CACNA2D3: variants seen among roughly 807,000 people sequenced by gnomAD.
CACNA2D3 encodes calcium voltage-gated channel auxiliary subunit alpha2delta 3.
Under a neutral mutation model 160.6 loss-of-function variants are expected in CACNA2D3, and 60 were observed. The ratio of observed to expected loss-of-function variants is 0.37; its 90% CI spans 0.30 to 0.46. CACNA2D3 has a LOEUF of 0.46. Ranked by LOEUF, CACNA2D3 falls within the 20% of genes least tolerant of loss-of-function variation. CACNA2D3 has a pLI of 1.00. For synonymous variants in CACNA2D3, 558 were observed against 492.9 expected (o/e 1.13, Z -1.75); for missense variants, 1,205 against 1,365.0 (o/e 0.88, Z 1.85).
intron 17 of CACNA2D3, among the ~76,000 whole-genome samples, chr3:54,853,089 G>C (rs970088168): frequency 1.3e-5 from 2 of 151,776 alleles, no homozygotes; most frequent in African/African-American, 4.8e-5. Context: ...CTTGTCCCAG[G>C]TACACCTTTT....
chr3:54,230,702 C>T (rs750858408), intron 2 of CACNA2D3, among the ~76,000 whole-genome samples: 2 of 152,182 alleles, frequency 1.3e-5, no homozygotes, highest in African/African-American at 2.4e-5. Flanking sequence ...GTTACCTCCA[C>T]AGTCTTATAA....
chr3:54,614,070 C>T (rs1698798844), intron 9 of CACNA2D3, among the ~76,000 whole-genome samples: 1 of 152,182 alleles, frequency 6.6e-6, no homozygotes, highest in Non-Finnish European at 1.5e-5. Flanking sequence ...TGATCAAGCA[C>T]AGCATGTTGT....
At chr3:54,604,486 A>G (rs1286771482) in intron 9 of CACNA2D3, among the ~76,000 whole-genome samples, 1 of 152,118 alleles carries the variant, frequency 6.6e-6, no homozygotes, top group Non-Finnish European at 1.5e-5. Context: ...TCCCCAAATC[A>G]CACCTTCTCC....
intron 14 of CACNA2D3, among the ~76,000 whole-genome samples, chr3:54,821,705 C>T (rs201520099): frequency 8.8e-4 from 90 of 102,046 alleles, no homozygotes; most frequent in South Asian, 2.2e-3. Flanking sequence ...TCTTTCCTTC[C>T]TTCCTTCTTT....
In CACNA2D3 at chr3:54,887,975, C is replaced by G. The variant is rs1461861449; in HGVS notation, c.2073C>G (p.Ile691Met). 3 of 1,613,864 alleles carry G rather than the reference C, an allele frequency of 1.9e-6. No homozygotes were observed. Among genetic ancestry groups the G allele is most frequent in the Admixed American group, 3.3e-5 (2 of 60,018 alleles). ...TCCCAACAGGTGATAAAGAATTGAT[C>G]CAAGAAGTCCTTTTTGACGCGGTGG... ...EPLLQCDKEL[I>M]QEVLFDAVVS... is the part of the protein sequence containing the mutation. The change falls in exon 24 of 38, where the codon ATC (isoleucine) becomes ATG (methionine). Residue 691 changes from isoleucine (I) to methionine (M), a missense_variant. Around this residue, in one of 3 missense-constraint regions of CACNA2D3, gnomAD observed 911 missense variants for 1,002.2 expected, o/e 0.91. Coordinates refer to ENST00000474759, the MANE Select transcript of CACNA2D3 (RefSeq NM_018398.3).
At chr3:54,963,455 T>A (rs1295033441) in intron 27 of CACNA2D3, among the ~76,000 whole-genome samples, 1 of 152,248 alleles carries the variant, frequency 6.6e-6, no homozygotes, top group African/African-American at 2.4e-5. Context: ...ACCCTGTGGC[T>A]ACGGAGCACT....
At chr3:54,435,992 A>C (rs1202372713) in intron 4 of CACNA2D3, among the ~76,000 whole-genome samples, 2 of 152,222 alleles carry the variant, frequency 1.3e-5, no homozygotes, top group Non-Finnish European at 2.9e-5. Flanking sequence ...ACGACAGAGG[A>C]TAGAATCAGT....
chr3:54,924,246 C>A (rs566578201), intron 27 of CACNA2D3, among the ~76,000 whole-genome samples: 1 of 152,160 alleles, frequency 6.6e-6, no homozygotes, highest in Non-Finnish European at 1.5e-5. Flanking sequence ...AGAGAGATAA[C>A]CATACCCACA....
intron 2 of CACNA2D3, among the ~76,000 whole-genome samples, chr3:54,286,687 A>G (rs1000651582): frequency 1.3e-5 from 2 of 152,228 alleles, no homozygotes; most frequent in Non-Finnish European, 2.9e-5. Context: ...GAGAAAGGTC[A>G]GGTTACCCAC....
intron 17 of CACNA2D3, among the ~76,000 whole-genome samples, chr3:54,869,005 G>A (rs144785206): frequency 1.1e-3 from 168 of 152,286 alleles, no homozygotes; most frequent in African/African-American, 3.9e-3. Flanking sequence ...TGTAACTGAC[G>A]AAGGAAGCTT....
At chr3:54,967,153 G>A in intron 27 of CACNA2D3, 1 of 152,218 alleles carries the variant, frequency 6.6e-6, no homozygotes, top group Admixed American at 6.5e-5. Context: ...GAAATTCTAA[G>A]TGCAAACACA....
At chr3:54,446,464 C>T (rs988920858) in intron 4 of CACNA2D3, among the ~76,000 whole-genome samples, 1 of 152,168 alleles carries the variant, frequency 6.6e-6, no homozygotes, top group Admixed American at 6.5e-5. Context: ...GATAAAGCTC[C>T]TTCCCACACT....
intron 18 of CACNA2D3, among the ~76,000 whole-genome samples, chr3:54,872,855 C>T (rs1199244964): frequency 6.6e-6 from 1 of 152,166 alleles, no homozygotes; most frequent in Non-Finnish European, 1.5e-5. Context: ...ATAGTGTCAG[C>T]TCAATAGCAT....
At chr3:54,282,912 G>C (rs1244918522) in intron 2 of CACNA2D3, among the ~76,000 whole-genome samples, 1 of 151,882 alleles carries the variant, frequency 6.6e-6, no homozygotes, top group Non-Finnish European at 1.5e-5. Flanking sequence ...TATCATAGTA[G>C]TTAGCATTGT....
At chr3:55,074,050 T>C in intron 37 of CACNA2D3, 64 bp from the exon 38 acceptor site, 1 of 1,364,054 alleles carries the variant, frequency 7.3e-7, no homozygotes, top group South Asian at 1.2e-5. Flanking sequence ...GAGAGAGGTC[T>C]GGGGAAAGTT....
intron 2 of CACNA2D3, among the ~76,000 whole-genome samples, chr3:54,269,928 G>T (rs981883126): frequency 6.6e-6 from 1 of 152,166 alleles, no homozygotes; most frequent in African/African-American, 2.4e-5. Flanking sequence ...CTGTTGTGTT[G>T]TCATTATTTA....
intron 5 of CACNA2D3, among the ~76,000 whole-genome samples, chr3:54,541,572 G>T (rs1449272527): frequency 3.9e-5 from 6 of 152,180 alleles, no homozygotes; most frequent in African/African-American, 1.4e-4. Context: ...CCTGGTGGTG[G>T]TAGCTTTGTT....
chr3:54,878,033 C>T (rs1360164041), intron 18 of CACNA2D3, among the ~76,000 whole-genome samples: 1 of 152,062 alleles, frequency 6.6e-6, no homozygotes, highest in East Asian at 1.9e-4. Context: ...TTTATACATG[C>T]CTCCAGCTAA....
At chr3:54,649,316 A>C (rs1243221760) in intron 11 of CACNA2D3, among the ~76,000 whole-genome samples, 1 of 152,106 alleles carries the variant, frequency 6.6e-6, no homozygotes, top group African/African-American at 2.4e-5. Flanking sequence ...CTGCCCCTTG[A>C]ACCTGGTTTT....
Sources: gnomAD v4.1 joint callset for allele counts (sites outside exome capture counted in the v4.1 genomes callset) on GRCh38, gnomAD v4.1.1 for gene constraint, gnomAD v4.1.1 regional missense constraint, MANE v1.5 for transcripts, NCBI Gene and HGNC (gene_info 2026-07-23, HGNC 2026-07-21) for gene names.